Variants in GGACT observed in about 807,000 individuals in gnomAD.
The protein encoded by GGACT is gamma-glutamylaminecyclotransferase.
For synonymous variants in GGACT, 118 were observed against 115.3 expected (o/e 1.02, Z -0.15); for missense variants, 241 against 233.2 (o/e 1.03, Z -0.22).
chr13:100,564,723 C>T (rs1039209393), intron 2 of GGACT, among the ~76,000 whole-genome samples: 3 of 152,168 alleles, frequency 2.0e-5, no homozygotes, highest in African/African-American at 7.2e-5. Context: ...CAGGAATGGC[C>T]ATTTGAAAAG....
intron 2 of GGACT, chr13:100,537,912 C>A (rs1342217316): frequency 1.3e-5 from 2 of 152,226 alleles, no homozygotes; most frequent in East Asian, 1.9e-4. Flanking sequence ...AATATTTCAT[C>A]CAAGAGTGGA....
chr13:100,576,467 T>C (rs556284216), intron 2 of GGACT, among the ~76,000 whole-genome samples: 1 of 152,322 alleles, frequency 6.6e-6, no homozygotes, highest in East Asian at 1.9e-4. Context: ...GATGAAAACT[T>C]TTCTTCAGAT....
chr13:100,570,306 C>T (rs993772216), intron 2 of GGACT, among the ~76,000 whole-genome samples: 4 of 152,148 alleles, frequency 2.6e-5, no homozygotes, highest in African/African-American at 7.2e-5. Context: ...TTAATCGACT[C>T]GTGTTCAGCA....
intron 2 of GGACT, among the ~76,000 whole-genome samples, chr13:100,541,450 C>A (rs1330187473): frequency 6.6e-6 from 1 of 152,210 alleles, no homozygotes. Context: ...ACTGTGCAGG[C>A]ATGAGCACCT....
intron 2 of GGACT, among the ~76,000 whole-genome samples, chr13:100,575,032 T>C (rs1347609743): frequency 6.6e-6 from 1 of 152,156 alleles, no homozygotes; most frequent in Non-Finnish European, 1.5e-5. Context: ...CTTTGTGATG[T>C]CCCTATATTA....
chr13:100,555,465 G>A (rs1254545491), intron 2 of GGACT, among the ~76,000 whole-genome samples: 17 of 152,120 alleles, frequency 1.1e-4, no homozygotes, highest in Admixed American at 1.0e-3. Flanking sequence ...AGGAGGTCGA[G>A]GCTGCAGTGA....
intron 2 of GGACT, among the ~76,000 whole-genome samples, chr13:100,565,216 T>G (rs2088800387): frequency 6.6e-6 from 1 of 152,142 alleles, no homozygotes; most frequent in South Asian, 2.1e-4. Context: ...TTAAAATAAT[T>G]TGTGCTCAGA....
At chr13:100,536,604 C>T (rs2088496133) in intron 2 of GGACT, 1 of 151,850 alleles carries the variant, frequency 6.6e-6, no homozygotes, top group African/African-American at 2.4e-5. Flanking sequence ...CTCCTAACTC[C>T]CTCTTTTCTC....
chr13:100,584,701 A>G lies in GGACT; in HGVS notation c.-183-704T>C, dbSNP rs576297607. ...ATTTACCCTGATGTGATTATTACAC[A>G]TTGTATCTCATATACCTTGTAATGA... On this transcript the variant is annotated intron_variant, in intron 1 of 2. Coordinates refer to ENST00000683975, the MANE Select transcript of GGACT (RefSeq NM_001195087.2). Among the ~76,000 whole-genome samples, 68 of 152,322 alleles carry G rather than the reference A, an allele frequency of 4.5e-4. 1 individual carries two copies. The South Asian group carries it at 7.5e-3, about 17-fold the overall frequency.
In GGACT at chr13:100,583,849, G is replaced by T. The variant is rs1875488833; in HGVS notation, c.-35C>A. ...CCTGTAAGCTTGTTTCTTCAAGGAA[G>T]TGTTGCCTTAGAATCCAGATCCACA... On this transcript the variant is annotated 5_prime_UTR_variant, in exon 2 of 3. Coordinates refer to ENST00000683975, the MANE Select transcript of GGACT (RefSeq NM_001195087.2). The T allele has an allele frequency of 6.6e-6, 1 of 152,212 alleles. No individual in the cohort carries two copies. Among genetic ancestry groups the T allele is most frequent in the African/African-American group, 2.4e-5 (1 of 41,444 alleles). 9.4% of individuals were successfully genotyped at this position (152,212 alleles called of 1,614,324 possible).
At chr13:100,558,841 G>T (rs2088732622) in intron 2 of GGACT, among the ~76,000 whole-genome samples, 1 of 152,130 alleles carries the variant, frequency 6.6e-6, no homozygotes, top group South Asian at 2.1e-4. Context: ...AGGGGGAGAG[G>T]GGATGGAGAG....
chr13:100,532,710 A>G, intron 2 of GGACT, 109 bp from the exon 3 acceptor site: 1 of 811,784 alleles, frequency 1.2e-6, no homozygotes, highest in Non-Finnish European at 1.9e-6. Context: ...CACCACCTGA[A>G]TGCGCCTGGC....
At chr13:100,568,770 C>G (rs1036722346) in intron 2 of GGACT, among the ~76,000 whole-genome samples, 9 of 152,210 alleles carry the variant, frequency 5.9e-5, no homozygotes, top group African/African-American at 1.9e-4. Context: ...AGCAAGTCCC[C>G]TCTGCCCATG....
At chr13:100,546,469 CAACATA>C (rs11277763) in intron 2 of GGACT, among the ~76,000 whole-genome samples, 87,771 of 150,508 alleles carry the variant, frequency 0.58, 25,952 homozygotes, top group East Asian at 0.84. Flanking sequence ...TGATATTGTA[CAACATA>C]AACATAAAGA....
At chr13:100,546,361 CAAAAAAA>C (rs778470021) in intron 2 of GGACT, among the ~76,000 whole-genome samples, 31 of 54,608 alleles carry the variant, frequency 5.7e-4, no homozygotes, top group African/African-American at 1.1e-3. Context: ...GACTCTGTCT[CAAAAAAA>C]AAAAAAAAAA....
intron 1 of GGACT, among the ~76,000 whole-genome samples, 186 bp from the exon 2 acceptor site, chr13:100,584,183 C>T (rs1336501192): frequency 6.6e-6 from 1 of 152,116 alleles, no homozygotes; most frequent in Non-Finnish European, 1.5e-5. Flanking sequence ...CTTGAGGGGC[C>T]AAAGAATGCC....
chr13:100,530,675 G>A lies in GGACT; in HGVS notation c.*1455C>T. ...CAAAACTTCCTAAGGACCAGAGACT[G>A]CAAATGCAGATTTTGGCAATCCCTT... On this transcript the variant is annotated 3_prime_UTR_variant, in exon 3 of 3. Coordinates refer to ENST00000683975, the MANE Select transcript of GGACT (RefSeq NM_001195087.2). 1 of 221,280 alleles carries A rather than the reference G, an allele frequency of 4.5e-6. No individual in the cohort carries two copies. The highest frequency in any genetic ancestry group is 9.0e-6 in the Non-Finnish European group (1 of 111,104). The allele number at this position is 221,280 out of a possible 1,614,324, so 13.7% of individuals were successfully genotyped here.
intron 2 of GGACT, chr13:100,536,951 CCT>C (rs1491422144): frequency 1.3e-5 from 2 of 152,616 alleles, no homozygotes; most frequent in African/African-American, 4.8e-5. Context: ...CCTGTCCTTG[CCT>C]CTGTGGCCTG....
chr13:100,551,281 C>G (rs1048786108), intron 2 of GGACT, among the ~76,000 whole-genome samples: 3 of 151,322 alleles, frequency 2.0e-5, no homozygotes, highest in African/African-American at 7.3e-5. Context: ...GAGACTCTGT[C>G]TCAAAAAAAA....
Sources: allele counts gnomAD v4.1 joint callset (sites outside exome capture counted in the v4.1 genomes callset), GRCh38; gene constraint gnomAD v4.1.1; transcripts MANE v1.5; gene names NCBI Gene and HGNC (gene_info 2026-07-23, HGNC 2026-07-21).